LIN7A: variants seen among roughly 807,000 people sequenced by gnomAD.
LIN7A encodes lin-7 cell polarity scaffold A, also known as protein lin-7 homolog A.
A neutral mutation model predicts 29.8 loss-of-function variants in LIN7A; 25 were observed. The ratio of observed to expected loss-of-function variants is 0.84; its 90% CI spans 0.61 to 1.17. The LOEUF is 1.17. Among genes scored for constraint, LIN7A ranks in the 50% most tolerant of loss-of-function variants. LIN7A has a pLI of 0.00. For synonymous variants in LIN7A, 118 were observed against 107.5 expected, an observed-to-expected ratio of 1.10 and a Z score of -0.60; for missense variants, 239 against 287.0, an observed-to-expected ratio of 0.83 and a Z score of 1.21.
chr12:80,824,368 A>G (rs1871957501), intron 4 of LIN7A, among the ~76,000 whole-genome samples: 1 of 152,192 alleles, frequency 6.6e-6, no homozygotes, highest in South Asian at 2.1e-4. Flanking sequence ...CAGAAATGGT[A>G]ATAAAAAACA....
In LIN7A at chr12:80,889,240, T is replaced by G. The variant is rs1370382927; in HGVS notation, c.201+11A>C. 1.4e-6 allele frequency: 2 copies of G among 1,455,030 alleles called. No homozygotes were observed. Among genetic ancestry groups the G allele is most frequent in the Non-Finnish European group, 1.9e-6 (2 of 1,035,890 alleles). The allele number at this position is 1,455,030 out of a possible 1,614,324, so 90.1% of individuals were successfully genotyped here. A position where few individuals can be genotyped will look rare whatever the true frequency, so the allele number is the denominator to read the frequency against. On this transcript the variant is annotated intron_variant, in intron 2 of 5. Transcript: ENST00000552864. Reference sequence around the variant, plus strand: ...TGGCTGAATTTAGTTATTAAAATTTTAGTGCCATACCTCTCGAATAGCTGT... The same window carrying G: ...TGGCTGAATTTAGTTATTAAAATTTGAGTGCCATACCTCTCGAATAGCTGT...
chr12:80,914,951 G>A (rs2120829880), intron 1 of LIN7A, among the ~76,000 whole-genome samples: 1 of 152,104 alleles, frequency 6.6e-6, no homozygotes, highest in Non-Finnish European at 1.5e-5. Context: ...AGGAGGCTAA[G>A]GTGGGAGGAT....
intron 1 of LIN7A, among the ~76,000 whole-genome samples, chr12:80,913,494 C>T (rs748584359): frequency 1.8e-4 from 27 of 152,060 alleles, no homozygotes; most frequent in Non-Finnish European, 3.4e-4. Flanking sequence ...AAACGGGAGC[C>T]TGGGATTGTG....
intron 4 of LIN7A, among the ~76,000 whole-genome samples, chr12:80,841,342 GGGAAGGAAGGAA>G (rs201176926): frequency 0.23 from 29,396 of 125,732 alleles, 3,556 homozygotes; most frequent in East Asian, 0.29. Flanking sequence ...GAAAGAGGGA[GGGAAGGAAGGAA>G]GGAAGGAAGG....
intron 1 of LIN7A, among the ~76,000 whole-genome samples, chr12:80,894,360 T>TC (rs1875776606): frequency 6.6e-6 from 1 of 152,116 alleles, no homozygotes; most frequent in Non-Finnish European, 1.5e-5. Context: ...TAGAACCTAC[T>TC]CCTCCTATTG....
At chr12:80,823,749 A>G (rs1871928705) in intron 4 of LIN7A, among the ~76,000 whole-genome samples, 1 of 152,230 alleles carries the variant, frequency 6.6e-6, no homozygotes, top group African/African-American at 2.4e-5. Flanking sequence ...GACACATGGA[A>G]ATTAAATAAT....
rs1592836009 is a variant in LIN7A, at chr12:80,793,533, TCTCACAGTAA to T, written c.*4184_*4193del. On this transcript the variant is annotated 3_prime_UTR_variant, in exon 6 of 6. Coordinates refer to ENST00000552864, the MANE Select transcript of LIN7A (RefSeq NM_004664.4). ...TTGCTAGAGTAAATGTTGGAGAGTTTCTCACAGTAACCTCCAAGAGGGATTGTGTCTGTCT... is the reference window on the plus strand; with the variant it reads ...TTGCTAGAGTAAATGTTGGAGAGTTTCCTCCAAGAGGGATTGTGTCTGTCT... The T allele has an allele frequency of 6.6e-6, 1 of 152,172 alleles. No individual in the cohort carries two copies. The highest frequency in any genetic ancestry group is 6.5e-5 in the Admixed American group (1 of 15,272). 9.4% of individuals were successfully genotyped at this position (152,172 alleles called of 1,614,324 possible).
intron 2 of LIN7A, among the ~76,000 whole-genome samples, chr12:80,858,519 T>C (rs1873713383): frequency 6.6e-6 from 1 of 152,034 alleles, no homozygotes; most frequent in Non-Finnish European, 1.5e-5. Flanking sequence ...TTTTTTTTTT[T>C]TTTTTAAGTT....
chr12:80,858,249 A>T (rs1369419185), intron 2 of LIN7A, among the ~76,000 whole-genome samples: 1 of 152,230 alleles, frequency 6.6e-6, no homozygotes, highest in Non-Finnish European at 1.5e-5. Context: ...ACATAAAAGC[A>T]GAATAATTAG....
At chr12:80,804,405 T>C (rs1298546980) in intron 5 of LIN7A, among the ~76,000 whole-genome samples, 1 of 151,896 alleles carries the variant, frequency 6.6e-6, no homozygotes, top group Admixed American at 6.6e-5. Flanking sequence ...ACCATCCTTC[T>C]ACCCTCTATC....
intron 4 of LIN7A, among the ~76,000 whole-genome samples, chr12:80,815,287 G>C (rs1380143907): frequency 2.0e-5 from 3 of 152,080 alleles, no homozygotes; most frequent in Non-Finnish European, 4.4e-5. Flanking sequence ...TTTAAGGTAA[G>C]AACAAGAAAT....
At chr12:80,937,498 C>A (rs1466306115) in intron 1 of LIN7A, 143 bp downstream of exon 1, 2 of 479,828 alleles carry the variant, frequency 4.2e-6, no homozygotes, top group Non-Finnish European at 7.2e-6. Context: ...GTTCTGTTCT[C>A]GGCGCGAACG....
chr12:80,892,306 T>C (rs1875666854), intron 1 of LIN7A, among the ~76,000 whole-genome samples: 1 of 152,178 alleles, frequency 6.6e-6, no homozygotes, highest in Non-Finnish European at 1.5e-5. Context: ...ATTCGTTGAA[T>C]GAATGAGGGA....
chr12:80,801,858 T>C (rs1417729768), intron 5 of LIN7A, among the ~76,000 whole-genome samples: 1 of 151,936 alleles, frequency 6.6e-6, no homozygotes, highest in Non-Finnish European at 1.5e-5. Context: ...CCTCTACCTC[T>C]GATAATCACT....
At chr12:80,834,463 G>A (rs1369057450) in intron 4 of LIN7A, among the ~76,000 whole-genome samples, 1 of 152,128 alleles carries the variant, frequency 6.6e-6, no homozygotes, top group African/African-American at 2.4e-5. Flanking sequence ...TTCAGAGTAA[G>A]GTTGGCTGTG....
intron 1 of LIN7A, chr12:80,937,333 C>A: frequency 3.2e-6 from 1 of 315,304 alleles, no homozygotes. Context: ...CCCCGCGCAG[C>A]GGCTCCAACA....
At chr12:80,865,169 C>G (rs1874075068) in intron 2 of LIN7A, among the ~76,000 whole-genome samples, 1 of 152,096 alleles carries the variant, frequency 6.6e-6, no homozygotes, top group Admixed American at 6.6e-5. Flanking sequence ...TATCTAAATG[C>G]ATATTTTAAA....
At chr12:80,838,327 T>G (rs1325986425) in intron 4 of LIN7A, among the ~76,000 whole-genome samples, 1 of 152,218 alleles carries the variant, frequency 6.6e-6, no homozygotes, top group Non-Finnish European at 1.5e-5. Flanking sequence ...AATGTAGTTG[T>G]TCTAACCTGT....
Position 80,797,664 on chromosome 12 carries a change from C to G in LIN7A, c.*63G>C, listed in dbSNP as rs1870517508. ...TTGTCTTTTACTATGTGCTGGGATT[C>G]TGAAGCACGGTTTCAAATTTGTGAC... On this transcript the variant is annotated 3_prime_UTR_variant, in exon 6 of 6. Transcript: ENST00000552864. The G allele has an allele frequency of 6.6e-6, 1 of 152,624 alleles. No individual in the cohort carries two copies. Among genetic ancestry groups the G allele is most frequent in the South Asian group, 2.1e-4 (1 of 4,832 alleles). The allele number at this position is 152,624 out of a possible 1,614,324, so 9.5% of individuals were successfully genotyped here.
Sources: gnomAD v4.1 joint callset for allele counts (sites outside exome capture counted in the v4.1 genomes callset) on GRCh38, gnomAD v4.1.1 for gene constraint, MANE v1.5 for transcripts, NCBI Gene and HGNC (gene_info 2026-07-23, HGNC 2026-07-21) for gene names.